PTPRG: variants seen among roughly 807,000 people sequenced by gnomAD.
The protein encoded by PTPRG is protein tyrosine phosphatase receptor type G, also known as receptor-type tyrosine-protein phosphatase gamma.
A neutral mutation model predicts 165.3 loss-of-function variants in PTPRG; 102 were observed. The observed-to-expected ratio is 0.62, with a 90% confidence interval of 0.53 to 0.73. The LOEUF (loss-of-function observed/expected upper bound fraction) is 0.73, where lower values mean the gene tolerates loss of function less well. Among genes scored for constraint, PTPRG ranks in the 30% least tolerant of loss-of-function variants. The pLI is 0.00. For synonymous variants in PTPRG, 675 were observed against 669.5 expected, an observed-to-expected ratio of 1.01 and a Z score of -0.13; for missense variants, 1,866 against 1,861.4, an observed-to-expected ratio of 1.00 and a Z score of -0.05.
intron 2 of PTPRG, among the ~76,000 whole-genome samples, chr3:61,898,592 A>C (rs1364403241): frequency 1.3e-5 from 2 of 152,204 alleles, no homozygotes; most frequent in African/African-American, 4.8e-5. Flanking sequence ...GGCAGTTGAA[A>C]TAGGCATGAT....
At chr3:62,283,119 T>C (rs1702515453) in intron 28 of PTPRG, among the ~76,000 whole-genome samples, 1 of 152,104 alleles carries the variant, frequency 6.6e-6, no homozygotes, top group African/African-American at 2.4e-5. Context: ...TATTATATCT[T>C]AGCCTACAGA....
chr3:62,087,706 G>C (rs1228521262), intron 5 of PTPRG, among the ~76,000 whole-genome samples: 4 of 152,172 alleles, frequency 2.6e-5, no homozygotes, highest in Admixed American at 2.6e-4. Flanking sequence ...TCTCAGTGAA[G>C]AACTGAATGG....
At chr3:62,141,515 G>A (rs976043560) in intron 6 of PTPRG, among the ~76,000 whole-genome samples, 1 of 152,004 alleles carries the variant, frequency 6.6e-6, no homozygotes, top group Non-Finnish European at 1.5e-5. Context: ...TGGGAGGATC[G>A]CTTGAGCCCA....
At chr3:61,759,693 G>C (rs2033768476) in intron 2 of PTPRG, among the ~76,000 whole-genome samples, 2 of 151,992 alleles carry the variant, frequency 1.3e-5, no homozygotes, top group African/African-American at 4.8e-5. Context: ...TGTATTCCTT[G>C]AGTGTAGTAT....
chr3:61,588,188 C>T (rs1015125441), intron 1 of PTPRG, among the ~76,000 whole-genome samples: 1 of 152,018 alleles, frequency 6.6e-6, no homozygotes, highest in African/African-American at 2.4e-5. Context: ...CTTTTTATTA[C>T]AGTTATGCGT....
chr3:62,278,732 T>A (rs945415084), intron 26 of PTPRG, among the ~76,000 whole-genome samples: 1 of 152,052 alleles, frequency 6.6e-6, no homozygotes, highest in African/African-American at 2.4e-5. Flanking sequence ...TGCTTCTGTA[T>A]GATGGAATGG....
intron 2 of PTPRG, among the ~76,000 whole-genome samples, chr3:61,831,749 G>C (rs1242270739): frequency 6.6e-6 from 1 of 152,126 alleles, no homozygotes; most frequent in Non-Finnish European, 1.5e-5. Flanking sequence ...TGAGTTTTCT[G>C]TCTTATGGGT....
chr3:62,020,374 A>C (rs2041662169), intron 4 of PTPRG, among the ~76,000 whole-genome samples: 1 of 152,186 alleles, frequency 6.6e-6, no homozygotes, highest in Non-Finnish European at 1.5e-5. Flanking sequence ...CTAAGACCTT[A>C]TTTTTGTAAG....
At chr3:62,250,104 T>A (rs575491872) in intron 15 of PTPRG, among the ~76,000 whole-genome samples, 1 of 152,332 alleles carries the variant, frequency 6.6e-6, no homozygotes, top group East Asian at 1.9e-4. Flanking sequence ...CTTGTTTACT[T>A]TTCATAACAC....
intron 1 of PTPRG, among the ~76,000 whole-genome samples, chr3:61,736,382 T>C (rs2032723864): frequency 6.6e-6 from 1 of 152,054 alleles, no homozygotes; most frequent in Non-Finnish European, 1.5e-5. Flanking sequence ...TTAGTAATAA[T>C]GTATATTCTT....
intron 2 of PTPRG, among the ~76,000 whole-genome samples, chr3:61,929,876 CCATAT>C (rs549055243): frequency 6.6e-6 from 1 of 152,052 alleles, no homozygotes; most frequent in Non-Finnish European, 1.5e-5. Context: ...TTCATTTGTA[CCATAT>C]GCACAGAGAG....
intron 4 of PTPRG, among the ~76,000 whole-genome samples, chr3:62,029,926 A>G (rs1699707675): frequency 6.6e-6 from 1 of 152,080 alleles, no homozygotes; most frequent in East Asian, 1.9e-4. Context: ...GTCCAATCTG[A>G]TTTTCTAACT....
rs1325342015 is a variant in PTPRG at position 62,044,045 on chromosome 3, C to A, written c.520-34118C>A. 3.9e-5 allele frequency among the ~76,000 whole-genome samples: 6 copies of A among 152,348 alleles called. No individual in the cohort carries two copies. The East Asian group carries it at 1.2e-3, about 29-fold the overall frequency. ...CCAATGATAATGGAGTCAGCACCCTCTTTGGAGCCATGAACACTCTCTCTT... is the reference window on the plus strand; with the variant it reads ...CCAATGATAATGGAGTCAGCACCCTATTTGGAGCCATGAACACTCTCTCTT... On this transcript the variant is annotated intron_variant, in intron 4 of 29. Transcript: ENST00000474889.
intron 1 of PTPRG, among the ~76,000 whole-genome samples, chr3:61,575,795 TCACCATGTTGG>T (rs1213972808): frequency 5.9e-5 from 9 of 152,172 alleles, no homozygotes; most frequent in African/African-American, 1.9e-4. Context: ...AGATGAGGTT[TCACCATGTTGG>T]CACCATGTTG....
chr3:61,632,318 T>TAC (rs3032571), intron 1 of PTPRG, among the ~76,000 whole-genome samples: 63 of 147,696 alleles, frequency 4.3e-4, no homozygotes, highest in South Asian at 2.0e-3. Flanking sequence ...CACACGCACA[T>TAC]ACACACACAC....
chr3:61,858,260 C>T (rs1449213922), intron 2 of PTPRG, among the ~76,000 whole-genome samples: 1 of 152,162 alleles, frequency 6.6e-6, no homozygotes, highest in East Asian at 1.9e-4. Flanking sequence ...ATAGGTGGCA[C>T]ACTACTACCA....
rs151228780 is a variant in PTPRG at position 61,882,417 on chromosome 3, G to A, written c.191-107208G>A. ...TGACACAGTTTGAAATTAGGTGAAAGCATTTACTATGGAGTTGCTCTTAAT... is the reference window on the plus strand; with the variant it reads ...TGACACAGTTTGAAATTAGGTGAAAACATTTACTATGGAGTTGCTCTTAAT... On this transcript the variant is annotated intron_variant, in intron 2 of 29. Transcript: ENST00000474889. 6.2e-4 allele frequency among the ~76,000 whole-genome samples: 95 copies of A among 152,286 alleles called. 1 individual carries two copies. The East Asian group carries it at 6.6e-3, about 11-fold the overall frequency.
At chr3:62,102,406 C>T (rs1045317406) in intron 5 of PTPRG, among the ~76,000 whole-genome samples, 1 of 151,988 alleles carries the variant, frequency 6.6e-6, no homozygotes, top group Middle Eastern at 3.2e-3. Flanking sequence ...TCCCGAGTAG[C>T]GTGGGACAGG....
intron 2 of PTPRG, among the ~76,000 whole-genome samples, chr3:61,956,090 T>TTATATATATATATATATATATATATATA (rs139960761): frequency 2.0e-4 from 30 of 149,046 alleles, no homozygotes; most frequent in African/African-American, 6.0e-4. Context: ...GGGAAAAAAA[T>TTATATATATATATATATATATATATATA]TATATATATA....
Sources: gnomAD v4.1 joint callset for allele counts (sites outside exome capture counted in the v4.1 genomes callset) on GRCh38, gnomAD v4.1.1 for gene constraint, MANE v1.5 for transcripts, NCBI Gene and HGNC (gene_info 2026-07-23, HGNC 2026-07-21) for gene names.